The following PLS1 variants were observed in gnomAD, a reference collection of about 807,000 sequenced individuals.
PLS1 encodes plastin 1, also known as plastin-1.
PLS1 carries 32 observed loss-of-function variants against 73.7 expected under a neutral mutation model. The ratio of observed to expected loss-of-function variants is 0.43; its 90% CI spans 0.33 to 0.58. PLS1 has a LOEUF of 0.58. Among genes scored for constraint, PLS1 ranks in the 20% least tolerant of loss-of-function variants. PLS1 has a pLI of 0.04. For missense variants in PLS1, 633 were observed against 740.5 expected (o/e 0.85, Z 1.68); for synonymous variants, 217 against 261.3 (o/e 0.83, Z 1.63).
intron 1 of PLS1, among the ~76,000 whole-genome samples, chr3:142,660,118 T>G (rs2037336877): frequency 6.6e-6 from 1 of 152,196 alleles, no homozygotes; most frequent in Non-Finnish European, 1.5e-5. Context: ...TGTTTATGAT[T>G]GGCAGAATCT....
At chr3:142,681,190 T>G (rs1370491073) in intron 6 of PLS1, among the ~76,000 whole-genome samples, 1 of 152,134 alleles carries the variant, frequency 6.6e-6, no homozygotes, top group Non-Finnish European at 1.5e-5. Flanking sequence ...TTTATTTTCT[T>G]TAATGCACTA....
intron 6 of PLS1, among the ~76,000 whole-genome samples, chr3:142,682,514 C>T (rs960405991): frequency 6.6e-6 from 1 of 152,078 alleles, no homozygotes; most frequent in African/African-American, 2.4e-5. Context: ...ATCAATTTAG[C>T]GAAATTACAC....
intron 2 of PLS1, among the ~76,000 whole-genome samples, chr3:142,665,518 CAAAACA>C (rs1301573169): frequency 7.9e-5 from 12 of 151,968 alleles, no homozygotes; most frequent in African/African-American, 2.9e-4. Flanking sequence ...AGAATCTTTT[CAAAACA>C]AAAACTGGGC....
At chr3:142,599,330 T>C (rs979067343) in intron 1 of PLS1, among the ~76,000 whole-genome samples, 8 of 59,346 alleles carry the variant, frequency 1.3e-4, no homozygotes, top group African/African-American at 3.1e-4. Flanking sequence ...ATTCTTTTTT[T>C]TTTTTTTTTT....
chr3:142,670,781 T>TA (rs2037588251), intron 3 of PLS1, among the ~76,000 whole-genome samples: 1 of 152,234 alleles, frequency 6.6e-6, no homozygotes, highest in Non-Finnish European at 1.5e-5. Flanking sequence ...AGCTTAGTTA[T>TA]AAAAAATTTA....
chr3:142,704,111 G>T, intron 13 of PLS1, 110 bp downstream of exon 13: 1 of 789,548 alleles, frequency 1.3e-6, no homozygotes, highest in South Asian at 2.5e-5. Context: ...AATATACAAT[G>T]CAAAATATTT....
chr3:142,680,092 G>A (rs1450355588), intron 6 of PLS1, among the ~76,000 whole-genome samples: 1 of 152,152 alleles, frequency 6.6e-6, no homozygotes, highest in Admixed American at 6.5e-5. Context: ...TATAAAAACT[G>A]TTTTTTAAAG....
intron 2 of PLS1, among the ~76,000 whole-genome samples, chr3:142,666,461 G>A (rs1560057609): frequency 6.6e-6 from 1 of 152,126 alleles, no homozygotes; most frequent in Non-Finnish European, 1.5e-5. Flanking sequence ...CATCCATGTT[G>A]TAGCCTGTGT....
At chr3:142,695,555 G>A (rs1293012967) in intron 11 of PLS1, among the ~76,000 whole-genome samples, 1 of 152,042 alleles carries the variant, frequency 6.6e-6, no homozygotes, top group Non-Finnish European at 1.5e-5. Flanking sequence ...AAGGTGAGGA[G>A]GGATTCACTT....
intron 1 of PLS1, among the ~76,000 whole-genome samples, chr3:142,606,216 A>G (rs1175651036): frequency 6.6e-6 from 1 of 152,192 alleles, no homozygotes; most frequent in Non-Finnish European, 1.5e-5. Context: ...AGACCTTGTG[A>G]TGTGCATGTT....
intron 1 of PLS1, among the ~76,000 whole-genome samples, chr3:142,607,292 A>ATT (rs201525345): frequency 2.8e-4 from 42 of 152,054 alleles, no homozygotes; most frequent in African/African-American, 5.3e-4. Context: ...ATATATATAT[A>ATT]TTTTTTGAGA....
At chr3:142,686,089 G>A (rs180930180) in intron 8 of PLS1, among the ~76,000 whole-genome samples, 195 bp from the exon 9 acceptor site, 2 of 152,338 alleles carry the variant, frequency 1.3e-5, no homozygotes, top group Non-Finnish European at 2.9e-5. Flanking sequence ...TCTGAGGTGT[G>A]AAACAGGATT....
intron 1 of PLS1, among the ~76,000 whole-genome samples, chr3:142,641,708 A>C (rs1446100019): frequency 1.3e-5 from 2 of 151,478 alleles, no homozygotes; most frequent in African/African-American, 4.9e-5. Context: ...CTTCCTACAG[A>C]GCACTTCTGC....
intron 1 of PLS1, among the ~76,000 whole-genome samples, chr3:142,643,466 G>C (rs944048223): frequency 6.6e-6 from 1 of 152,232 alleles, no homozygotes; most frequent in East Asian, 1.9e-4. Context: ...TATGGCCTAT[G>C]ATGGGCATCA....
intron 1 of PLS1, among the ~76,000 whole-genome samples, chr3:142,637,909 A>G (rs938222417): frequency 6.6e-6 from 1 of 151,298 alleles, no homozygotes; most frequent in African/African-American, 2.4e-5. Context: ...TTTAATGGCC[A>G]AGAACTCTTT....
intron 14 of PLS1, 111 bp from the exon 15 acceptor site, chr3:142,711,390 A>C (rs778264192): frequency 7.6e-5 from 53 of 694,628 alleles, no homozygotes; most frequent in Non-Finnish European, 8.8e-5. Context: ...ACGTTAGGTT[A>C]AGTACAAAGA....
At chr3:142,631,380 G>T (rs563564013) in intron 1 of PLS1, among the ~76,000 whole-genome samples, 116 of 152,148 alleles carry the variant, frequency 7.6e-4, no homozygotes, top group Non-Finnish European at 1.2e-3. Context: ...CAGCTACTTG[G>T]GAGGCTGAGG....
At position 142,713,117 on chromosome 3, in the gene PLS1, CG is replaced by C. The variant is rs1560082800; in HGVS notation, c.*1111del. On this transcript the variant is annotated 3_prime_UTR_variant, in exon 16 of 16. Transcript: ENST00000457734. The stretch of plus-strand genomic sequence containing the variant: ...GTATTTTCATATGTTTTTCACAGCC[CG>C]TTACAAATTGGCAATGTTTGGTTAA... 6.6e-6 allele frequency: 1 copy of C among 152,332 alleles called. No individual in the cohort carries two copies. The highest frequency in any genetic ancestry group is 1.9e-4 in the East Asian group (1 of 5,206). 9.4% of individuals were successfully genotyped at this position (152,332 alleles called of 1,614,324 possible).
At chr3:142,603,397 G>T (rs576151436) in intron 1 of PLS1, among the ~76,000 whole-genome samples, 1 of 152,262 alleles carries the variant, frequency 6.6e-6, no homozygotes, top group African/African-American at 2.4e-5. Context: ...ACATAGCTTT[G>T]TTCATAAAGT....
Sources: gnomAD v4.1 joint callset for allele counts (sites outside exome capture counted in the v4.1 genomes callset) on GRCh38, gnomAD v4.1.1 for gene constraint, MANE v1.5 for transcripts, NCBI Gene and HGNC (gene_info 2026-07-23, HGNC 2026-07-21) for gene names.